ERBB4: variants seen among roughly 807,000 people sequenced by gnomAD.
ERBB4 encodes erb-b2 receptor tyrosine kinase 4.
In ERBB4, 42 loss-of-function variants were observed where a neutral mutation model predicts 158.0. The observed-to-expected ratio is 0.27, with a 90% CI of 0.21 to 0.34. ERBB4 has a LOEUF of 0.34. ERBB4 is among the 10% of genes least tolerant of loss of function. The pLI, the probability that ERBB4 is intolerant of heterozygous loss-of-function variation, is 1.00. For missense variants in ERBB4, 1,333 were observed against 1,624.1 expected, an observed-to-expected ratio of 0.82 and a Z score of 3.08; for synonymous variants, 583 against 558.7, an observed-to-expected ratio of 1.04 and a Z score of -0.61.
intron 2 of ERBB4, among the ~76,000 whole-genome samples, chr2:212,056,822 AC>A (rs2077589977): frequency 6.6e-6 from 1 of 152,208 alleles, no homozygotes; most frequent in African/African-American, 2.4e-5. Flanking sequence ...CACTGCAAAA[AC>A]ATGCCAAACT....
chr2:211,429,697 T>A lies in ERBB4; in HGVS notation c.2644-1214A>T, dbSNP rs114988563. ...CCAAGGTGACACCAAGGTAACTCTA[T>A]GACAGAATCATGGTATTCAGTGAAA... On this transcript the variant is annotated intron_variant, in intron 21 of 27. Coordinates refer to ENST00000342788, the MANE Select transcript of ERBB4 (RefSeq NM_005235.3). Among the ~76,000 whole-genome samples the A allele has an allele frequency of 4.7e-3, 721 of 152,340 alleles. 5 individuals are homozygous for A. Among genetic ancestry groups the A allele is most frequent in the African/African-American group, 0.016 (683 of 41,584 alleles).
At chr2:211,460,598 T>A (rs1311672834) in intron 20 of ERBB4, among the ~76,000 whole-genome samples, 2 of 152,162 alleles carry the variant, frequency 1.3e-5, no homozygotes, top group East Asian at 3.8e-4. Context: ...TGGAAGAAAT[T>A]GACAAAACAA....
intron 4 of ERBB4, among the ~76,000 whole-genome samples, chr2:211,759,105 A>G (rs2075349497): frequency 6.6e-6 from 1 of 152,210 alleles, no homozygotes. Context: ...AGCTTCTGCC[A>G]AAAACTTTGG....
intron 3 of ERBB4, among the ~76,000 whole-genome samples, chr2:211,945,197 T>C (rs1467393190): frequency 6.6e-6 from 1 of 152,140 alleles, no homozygotes; most frequent in African/African-American, 2.4e-5. Context: ...TTATCCCATA[T>C]TCTTCCATGT....
At chr2:211,967,123 T>C (rs1490940011) in intron 2 of ERBB4, among the ~76,000 whole-genome samples, 3 of 152,168 alleles carry the variant, frequency 2.0e-5, no homozygotes, top group Non-Finnish European at 4.4e-5. Context: ...GAGTGAATTC[T>C]ACACAGAAAC....
chr2:211,389,472 C>T (rs1302422296), intron 25 of ERBB4, among the ~76,000 whole-genome samples: 1 of 152,168 alleles, frequency 6.6e-6, no homozygotes, highest in Non-Finnish European at 1.5e-5. Flanking sequence ...CCTTAACTAA[C>T]TTAGTCTGCT....
At chr2:211,709,276 CAT>C (rs1553615206) in intron 9 of ERBB4, among the ~76,000 whole-genome samples, 3 of 116,516 alleles carry the variant, frequency 2.6e-5, no homozygotes, top group Admixed American at 8.4e-5. Flanking sequence ...TATATATATA[CAT>C]ACATATATAT....
intron 14 of ERBB4, among the ~76,000 whole-genome samples, chr2:211,669,463 C>T (rs1452937276): frequency 1.3e-5 from 2 of 152,014 alleles, no homozygotes; most frequent in Non-Finnish European, 2.9e-5. Flanking sequence ...AAGTTTTGGT[C>T]TCCTGAAACT....
intron 1 of ERBB4, among the ~76,000 whole-genome samples, chr2:212,273,578 T>A (rs1049863966): frequency 6.6e-6 from 1 of 151,836 alleles, no homozygotes; most frequent in Admixed American, 6.6e-5. Context: ...ATTACTCATA[T>A]TTTAAAGATG....
intron 2 of ERBB4, among the ~76,000 whole-genome samples, chr2:212,027,527 G>C (rs1270934717): frequency 1.3e-5 from 2 of 152,036 alleles, no homozygotes; most frequent in Non-Finnish European, 2.9e-5. Flanking sequence ...GATCAATTTT[G>C]TAAATCAATG....
At chr2:212,491,139 A>G (rs2054616) in intron 1 of ERBB4, among the ~76,000 whole-genome samples, 7,020 of 151,660 alleles carry the variant, frequency 0.046, 543 homozygotes, top group African/African-American at 0.16. Context: ...GAATGATCAT[A>G]AGTATAAGAA....
At chr2:212,400,819 G>T (rs1349232427) in intron 1 of ERBB4, among the ~76,000 whole-genome samples, 1 of 152,112 alleles carries the variant, frequency 6.6e-6, no homozygotes, top group Non-Finnish European at 1.5e-5. Context: ...TTAATAAAAA[G>T]ATATAACTCT....
intron 1 of ERBB4, among the ~76,000 whole-genome samples, chr2:212,528,755 A>T (rs1692585496): frequency 6.6e-6 from 1 of 152,148 alleles, no homozygotes; most frequent in African/African-American, 2.4e-5. Flanking sequence ...CTCTATAAAT[A>T]ATATAATTAT....
At chr2:211,636,108 TG>T (rs1283655622) in intron 16 of ERBB4, among the ~76,000 whole-genome samples, 3,330 of 151,314 alleles carry the variant, frequency 0.022, 116 homozygotes, top group African/African-American at 0.073. Flanking sequence ...TGCGTGTGTG[TG>T]TTTTTTTAAA....
chr2:211,988,155 A>C (rs1298986953), intron 2 of ERBB4, among the ~76,000 whole-genome samples: 1 of 152,196 alleles, frequency 6.6e-6, no homozygotes, highest in African/African-American at 2.4e-5. Context: ...GCAAATGTTT[A>C]TACTATTAAT....
At chr2:211,965,082 C>T (rs2081276083) in intron 2 of ERBB4, among the ~76,000 whole-genome samples, 2 of 152,098 alleles carry the variant, frequency 1.3e-5, no homozygotes, top group African/African-American at 4.8e-5. Flanking sequence ...TACATGATTA[C>T]CTAATTTGTA....
At chr2:211,773,586 A>C (rs1461874549) in intron 4 of ERBB4, among the ~76,000 whole-genome samples, 8 of 101,826 alleles carry the variant, frequency 7.9e-5, no homozygotes, top group Admixed American at 1.2e-4. Flanking sequence ...TAAGGATTAT[A>C]CTTCTGTAAC....
chr2:211,547,780 A>G (rs922823182), intron 20 of ERBB4, among the ~76,000 whole-genome samples: 1 of 152,082 alleles, frequency 6.6e-6, no homozygotes, highest in African/African-American at 2.4e-5. Flanking sequence ...AAAGTACCGT[A>G]AAAGTACTAG....
intron 1 of ERBB4, among the ~76,000 whole-genome samples, chr2:212,317,654 G>A (rs981483077): frequency 1.3e-5 from 2 of 151,520 alleles, no homozygotes; most frequent in Non-Finnish European, 3.0e-5. Context: ...TCTAAATAAA[G>A]AGAACTTCAG....
Sources: gnomAD v4.1 joint callset for allele counts (sites outside exome capture counted in the v4.1 genomes callset) on GRCh38, gnomAD v4.1.1 for gene constraint, MANE v1.5 for transcripts, NCBI Gene and HGNC (gene_info 2026-07-23, HGNC 2026-07-21) for gene names.